Variants in CSMD1 observed in about 807,000 individuals in gnomAD.
CSMD1 encodes the protein CUB and sushi domain-containing protein 1.
CSMD1 carries 213 observed loss-of-function variants against 417.5 expected under a neutral mutation model. The observed-to-expected ratio is 0.51, with a 90% CI of 0.46 to 0.57. CSMD1 has a LOEUF of 0.57. Among genes scored for constraint, CSMD1 ranks in the 20% least tolerant of loss-of-function variants. The probability of loss-of-function intolerance (pLI) is 0.00; values close to 1 mark genes in which losing one functional copy is unlikely to be tolerated. For synonymous variants in CSMD1, 2,862 were observed against 1,736.8 expected, an observed-to-expected ratio of 1.65 and a Z score of -16.11; for missense variants, 6,923 against 4,529.7, an observed-to-expected ratio of 1.53 and a Z score of -15.17.
At chr8:4,195,351 A>G (rs1799268809) in intron 3 of CSMD1, among the ~76,000 whole-genome samples, 1 of 152,172 alleles carries the variant, frequency 6.6e-6, no homozygotes, top group African/African-American at 2.4e-5. Context: ...TTAACAAATC[A>G]CCCTAACAAA....
chr8:4,417,255 A>G (rs751112998), intron 3 of CSMD1, among the ~76,000 whole-genome samples: 3 of 152,062 alleles, frequency 2.0e-5, no homozygotes, highest in Non-Finnish European at 4.4e-5. Flanking sequence ...CACGTTGATT[A>G]CACTATTTTA....
At chr8:4,762,621 C>T (rs922437124) in intron 1 of CSMD1, among the ~76,000 whole-genome samples, 14 of 152,104 alleles carry the variant, frequency 9.2e-5, no homozygotes, top group African/African-American at 2.9e-4. Flanking sequence ...ATGGGCCCCG[C>T]ATTTGCATAG....
intron 9 of CSMD1, among the ~76,000 whole-genome samples, chr8:3,583,894 T>C (rs565057903): frequency 5.3e-5 from 8 of 151,258 alleles, no homozygotes; most frequent in Admixed American, 1.3e-4. Context: ...TGCAACTAGA[T>C]AGATAAGGAG....
intron 40 of CSMD1, among the ~76,000 whole-genome samples, chr8:3,147,966 G>C (rs930181218): frequency 6.6e-6 from 1 of 152,126 alleles, no homozygotes; most frequent in African/African-American, 2.4e-5. Flanking sequence ...TTTGCAACCT[G>C]ATCACCAAGA....
intron 26 of CSMD1, among the ~76,000 whole-genome samples, chr8:3,249,268 C>G (rs762243057): frequency 6.6e-6 from 1 of 152,176 alleles, no homozygotes; most frequent in Non-Finnish European, 1.5e-5. Flanking sequence ...GTTGCCCAGT[C>G]TGGAGTGCAG....
Position 3,348,670 on chromosome 8 carries a change from C to T in CSMD1, c.3305-509G>A, listed in dbSNP as rs542208047. ...CCACTGAGTTATCTTCAGGATGTCA[C>T]ATCCCTGAATGCCTCAGCATTATGT... On this transcript the variant is annotated intron_variant, in intron 21 of 69. Coordinates refer to ENST00000635120, the MANE Select transcript of CSMD1 (RefSeq NM_033225.6). 1.1e-3 allele frequency among the ~76,000 whole-genome samples: 169 copies of T among 152,352 alleles called. 1 individual carries two copies. The highest frequency in any genetic ancestry group is 2.0e-3 in the Non-Finnish European group (137 of 68,032).
intron 12 of CSMD1, among the ~76,000 whole-genome samples, chr8:3,443,991 A>G (rs562693768): frequency 1.3e-5 from 2 of 152,262 alleles, no homozygotes; most frequent in East Asian, 1.9e-4. Flanking sequence ...CAGATATACA[A>G]TGGAAGACAT....
chr8:3,067,422 G>C (rs1055301273), intron 49 of CSMD1, among the ~76,000 whole-genome samples: 1 of 152,044 alleles, frequency 6.6e-6, no homozygotes, highest in Non-Finnish European at 1.5e-5. Flanking sequence ...AGTTGGAGGA[G>C]ATTATATTGG....
At chr8:4,580,270 C>T (rs1371103147) in intron 2 of CSMD1, among the ~76,000 whole-genome samples, 1 of 152,186 alleles carries the variant, frequency 6.6e-6, no homozygotes, top group Admixed American at 6.5e-5. Context: ...CTGTGGTCAT[C>T]ACCCAGCCAG....
At chr8:4,695,444 A>C (rs1807065925) in intron 1 of CSMD1, among the ~76,000 whole-genome samples, 1 of 152,182 alleles carries the variant, frequency 6.6e-6, no homozygotes. Context: ...GACATTTGTT[A>C]AGATGTTATG....
At chr8:3,466,360 C>T (rs369084310) in intron 12 of CSMD1, among the ~76,000 whole-genome samples, 7 of 152,104 alleles carry the variant, frequency 4.6e-5, no homozygotes, top group East Asian at 3.9e-4. Flanking sequence ...AACATCAAAA[C>T]GTAGAACATT....
At chr8:4,268,271 C>G (rs1036569140) in intron 3 of CSMD1, among the ~76,000 whole-genome samples, 2 of 152,076 alleles carry the variant, frequency 1.3e-5, no homozygotes, top group South Asian at 2.1e-4. Context: ...AATTGAGTTT[C>G]TATATTTGAA....
At position 3,796,296 on chromosome 8, in the gene CSMD1, C is replaced by A. The variant is rs796584174; in HGVS notation, c.819-42254G>T. ...ATATATCTATCATGTATAGATATAT[C>A]TATCATGTATAGATATAGATATCTA... On this transcript the variant is annotated intron_variant, in intron 5 of 69. Coordinates refer to ENST00000635120, the MANE Select transcript of CSMD1 (RefSeq NM_033225.6). 1.1e-3 allele frequency among the ~76,000 whole-genome samples: 38 copies of A among 36,152 alleles called. 6 individuals carry two copies. Among genetic ancestry groups the A allele is most frequent in the African/African-American group, 1.7e-3 (16 of 9,664 alleles). 23.7% of individuals were successfully genotyped at this position (36,152 alleles called of 152,430 possible).
intron 3 of CSMD1, among the ~76,000 whole-genome samples, chr8:4,366,689 G>A (rs535230945): frequency 2.0e-4 from 30 of 151,898 alleles, no homozygotes; most frequent in South Asian, 6.3e-4. Flanking sequence ...ACTGATGAGC[G>A]TTTTTTCTTT....
intron 3 of CSMD1, among the ~76,000 whole-genome samples, chr8:4,108,884 T>G (rs549365137): frequency 3.9e-5 from 6 of 152,198 alleles, no homozygotes; most frequent in Non-Finnish European, 7.4e-5. Flanking sequence ...GTCACTTTAG[T>G]GGAAACAGCC....
intron 18 of CSMD1, among the ~76,000 whole-genome samples, chr8:3,372,990 T>A (rs913320291): frequency 2.6e-5 from 4 of 152,180 alleles, no homozygotes; most frequent in Non-Finnish European, 4.4e-5. Context: ...TGGATTGGTA[T>A]GAATTGATGC....
At chr8:4,551,953 C>A (rs1370816747) in intron 2 of CSMD1, among the ~76,000 whole-genome samples, 1 of 151,562 alleles carries the variant, frequency 6.6e-6, no homozygotes, top group Admixed American at 6.6e-5. Context: ...TCCCAAAATG[C>A]TGGGACTACA....
At chr8:3,495,349 G>A (rs955515273) in intron 10 of CSMD1, among the ~76,000 whole-genome samples, 1 of 152,136 alleles carries the variant, frequency 6.6e-6, no homozygotes, top group Non-Finnish European at 1.5e-5. Flanking sequence ...GTTCTGGTGG[G>A]AAGCGATGAT....
chr8:4,858,349 G>A (rs376975068), intron 1 of CSMD1, among the ~76,000 whole-genome samples: 5 of 151,516 alleles, frequency 3.3e-5, no homozygotes, highest in Admixed American at 1.3e-4. Context: ...CTTTGAAAAC[G>A]GGCACAAGAC....
Sources: gnomAD v4.1 joint callset for allele counts (sites outside exome capture counted in the v4.1 genomes callset) on GRCh38, gnomAD v4.1.1 for gene constraint, MANE v1.5 for transcripts, NCBI Gene and HGNC (gene_info 2026-07-23, HGNC 2026-07-21) for gene names.